Variants in ECEL1 observed in about 807,000 individuals in gnomAD.
The protein encoded by ECEL1 is endothelin-converting enzyme-like 1.
Under a neutral mutation model 101.8 loss-of-function variants are expected in ECEL1, and 87 were observed. The ratio of observed to expected loss-of-function variants is 0.85; its 90% CI spans 0.72 to 1.02. ECEL1 has a LOEUF of 1.02. ECEL1 is among the 50% of genes least tolerant of loss of function. The pLI, the probability that ECEL1 is intolerant of heterozygous loss-of-function variation, is 0.00. For synonymous variants in ECEL1, 487 were observed against 468.7 expected, an observed-to-expected ratio of 1.04 and a Z score of -0.50; for missense variants, 1,032 against 1,079.2, an observed-to-expected ratio of 0.96 and a Z score of 0.61.
rs965566918 is a variant in ECEL1, at chr2:232,479,992, C to G, written c.*161G>C. ...AAGTCCAGCCTCACCCTGCTCCAGG[C>G]CCCTCCTGAAGTGAGGGGCAGCAGG... On this transcript the variant is annotated 3_prime_UTR_variant, in exon 18 of 18. Transcript: ENST00000304546. 20 of 661,740 alleles carry G rather than the reference C, an allele frequency of 3.0e-5. No homozygotes were observed. The highest frequency in any genetic ancestry group is 4.7e-5 in the Non-Finnish European group (18 of 381,688). 41.0% of individuals were successfully genotyped at this position (661,740 alleles called of 1,614,324 possible). A position where few individuals can be genotyped will look rare whatever the true frequency, so the allele number is the denominator to read the frequency against.
In ECEL1 at chr2:232,479,964, C is replaced by G; in HGVS notation, c.*189G>C. ...CCCAGTATATTTCCCTCACAGCCCC[C>G]CAAAGTCCAGCCTCACCCTGCTCCA... On this transcript the variant is annotated 3_prime_UTR_variant, in exon 18 of 18. Coordinates refer to ENST00000304546, the MANE Select transcript of ECEL1 (RefSeq NM_004826.4). The G allele has an allele frequency of 1.6e-6, 1 of 616,028 alleles. No individual in the cohort carries two copies. Among genetic ancestry groups the G allele is most frequent in the Non-Finnish European group, 2.9e-6 (1 of 347,626 alleles). 38.2% of individuals were successfully genotyped at this position (616,028 alleles called of 1,614,324 possible).
At chr2:232,484,754 G>A in intron 5 of ECEL1, 47 bp downstream of exon 5, 1 of 1,611,050 alleles carries the variant, frequency 6.2e-7, no homozygotes, top group Non-Finnish European at 8.5e-7. Context: ...CCCAGCAGCA[G>A]CATTGCCCTC....
chr2:232,485,787 C>T lies in ECEL1; in HGVS notation c.786+81G>A, dbSNP rs999642247. 3 of 1,504,946 alleles carry T rather than the reference C, an allele frequency of 2.0e-6. No individual in the cohort carries two copies. The African/African-American group carries it at 4.1e-5, about 21-fold the overall frequency. 93.2% of individuals were successfully genotyped at this position (1,504,946 alleles called of 1,614,324 possible). A position where few individuals can be genotyped will look rare whatever the true frequency, so the allele number is the denominator to read the frequency against. On this transcript the variant is annotated intron_variant, in intron 2 of 17. Coordinates refer to ENST00000304546, the MANE Select transcript of ECEL1 (RefSeq NM_004826.4). ...CTCCTCTCCTCTCACGCACCCGCCT[C>T]CCGCGCGCAGGGACCCCTGGGCAAG...
chr2:232,486,516 G>A lies in ECEL1; in HGVS notation c.138C>T (p.Thr46=), dbSNP rs1307942073. 8 of 1,354,198 alleles carry A rather than the reference G, an allele frequency of 5.9e-6. No homozygotes were observed. Among genetic ancestry groups the A allele is most frequent in the Non-Finnish European group, 7.5e-6 (8 of 1,064,136 alleles). The allele number at this position is 1,354,198 out of a possible 1,614,324, so 83.9% of individuals were successfully genotyped here. ...GFPLGAARSA[T]GARSGLPRWN... Reference sequence around the variant, plus strand: ...AGCGCGGCAGCCCGGACCGGGCCCCGGTGGCGCTGCGCGCAGCGCCCAACG... The same window carrying A: ...AGCGCGGCAGCCCGGACCGGGCCCCAGTGGCGCTGCGCGCAGCGCCCAACG... The change falls in exon 2 of 18, where the codon ACC becomes ACT. Residue 46 remains threonine, a synonymous_variant. Coordinates refer to ENST00000304546, the MANE Select transcript of ECEL1 (RefSeq NM_004826.4).
chr2:232,483,044 C>T, intron 9 of ECEL1, 61 bp downstream of exon 9: 1 of 1,612,346 alleles, frequency 6.2e-7, no homozygotes, highest in South Asian at 1.1e-5. Flanking sequence ...GCCACCTGCC[C>T]TCCTGAGTGC....
rs146779776 is a variant in ECEL1 at position 232,482,904 on chromosome 2, G to C, written c.1632C>G (p.Arg544=). 1.1e-5 allele frequency: 17 copies of C among 1,614,200 alleles called. No individual in the cohort carries two copies. The highest frequency in any genetic ancestry group is 1.4e-5 in the Non-Finnish European group (16 of 1,180,048). The change falls in exon 10 of 18, where the codon CGC becomes CGG. Residue 544 remains arginine (R), a synonymous_variant. Coordinates refer to ENST00000304546, the MANE Select transcript of ECEL1 (RefSeq NM_004826.4). Reference sequence around the variant, plus strand: ...TCTTAACTGAGAGCTGGATGCTGAAGCGGATGCTGTTCAAGATGTTCTTGA... The same window carrying C: ...TCTTAACTGAGAGCTGGATGCTGAACCGGATGCTGTTCAAGATGTTCTTGA... The part of the protein sequence containing the change: ...TYFKNILNSI[R]FSIQLSVKKI...
At chr2:232,484,726 G>A (rs921474785) in intron 5 of ECEL1, 75 bp downstream of exon 5, 7 of 1,602,372 alleles carry the variant, frequency 4.4e-6, no homozygotes, top group Admixed American at 3.3e-5. Context: ...CATCTCTGGG[G>A]AGAGATGACC....
intron 15 of ECEL1, 90 bp from the exon 16 acceptor site, chr2:232,480,903 C>A: frequency 7.1e-7 from 1 of 1,413,720 alleles, no homozygotes. Context: ...CCTCCCTGCT[C>A]TCCCTGTGAA....
At chr2:232,485,402 T>G (rs956492564) in intron 2 of ECEL1, 135 bp from the exon 3 acceptor site, 13 of 1,014,582 alleles carry the variant, frequency 1.3e-5, no homozygotes, top group African/African-American at 3.2e-5. Flanking sequence ...AGACCCCAGC[T>G]CCTCTTTCCA....
chr2:232,481,771 A>G lies in ECEL1; in HGVS notation c.1864+11T>C, dbSNP rs1690585674. 1.2e-6 allele frequency: 2 copies of G among 1,613,556 alleles called. No homozygotes were observed. Among genetic ancestry groups the G allele is most frequent in the Non-Finnish European group, 1.7e-6 (2 of 1,179,846 alleles). ...CTCCGGGCCATCCCCTGGGGCCCCA[A>G]CAGGCCTCACCCCAGTCGTCGTAGC... On this transcript the variant is annotated intron_variant, in intron 13 of 17. Transcript: ENST00000304546.
At chr2:232,487,248 C>T (rs1223899395) in intron 1 of ECEL1, among the ~76,000 whole-genome samples, 1 of 152,204 alleles carries the variant, frequency 6.6e-6, no homozygotes, top group Non-Finnish European at 1.5e-5. Flanking sequence ...CGGAAGTCCG[C>T]GGGATCGACC....
chr2:232,483,285 G>C, intron 8 of ECEL1, 106 bp from the exon 9 acceptor site: 1 of 1,559,512 alleles, frequency 6.4e-7, no homozygotes, highest in South Asian at 1.1e-5. Flanking sequence ...CTGGGAGTGG[G>C]CTTCACAGTG....
In ECEL1 at chr2:232,482,595, G is replaced by C. The variant is rs778182880; in HGVS notation, c.1699C>G (p.Pro567Ala). Residue 567 changes from proline to alanine, a missense_variant, in exon 11 of 18, where the codon CCA (proline) becomes GCA (alanine). By Grantham distance (27) the Pro-to-Ala change is conservative. Transcript: ENST00000304546. ...EVDKSTWLLP[P>A]QALNAYYLPN... ...AGATAGTAGGCATTGAGCGCCTGTG[G>C]GGGGAGCAGCCACCTGTGGAGGGAT... is the stretch of plus-strand genomic sequence containing the variant. The C allele has an allele frequency of 6.8e-6, 11 of 1,612,624 alleles. No homozygotes were observed. Among genetic ancestry groups the C allele is most frequent in the Admixed American group, 1.7e-5 (1 of 59,980 alleles).
chr2:232,481,995 T>A, intron 12 of ECEL1, 146 bp from the exon 13 acceptor site: 2 of 988,854 alleles, frequency 2.0e-6, no homozygotes, highest in African/African-American at 1.6e-5. Context: ...GGGGCACATG[T>A]GCCTCAGCTT....
Position 232,481,503 on chromosome 2 carries a change from C to T in ECEL1, c.1989+3G>A. On this transcript the variant is annotated splice_donor_region_variant and intron_variant, in intron 14 of 17. Coordinates refer to ENST00000304546, the MANE Select transcript of ECEL1 (RefSeq NM_004826.4). ...GGGCACAAGGGGCAGGTGGGGGTCT[C>T]ACCCGCTGGTTGTAGACAGTGAAGT... The T allele has an allele frequency of 6.2e-7, 1 of 1,605,598 alleles. No individual in the cohort carries two copies. The highest frequency in any genetic ancestry group is 8.5e-7 in the Non-Finnish European group (1 of 1,176,416).
In ECEL1 at chr2:232,486,361, C is replaced by A. The variant is rs1257904516; in HGVS notation, c.293G>T (p.Gly98Val). 8.6e-6 allele frequency: 13 copies of A among 1,512,920 alleles called. No individual in the cohort carries two copies. Among genetic ancestry groups the A allele is most frequent in the Non-Finnish European group, 1.1e-5 (12 of 1,140,902 alleles). 93.7% of individuals were successfully genotyped at this position (1,512,920 alleles called of 1,614,324 possible). A position where few individuals can be genotyped will look rare whatever the true frequency, so the allele number is the denominator to read the frequency against. Residue 98 changes from glycine to valine, a missense_variant, in exon 2 of 18, where the codon GGC becomes GTC. Transcript: ENST00000304546. ...CGCGAAGGCCTTGCGCTCAGGGCAG[C>A]CCTCGGGACAGGCGCCGCCGCCGGC... is the stretch of plus-strand genomic sequence containing the variant. Reference protein sequence around the residue: ...VAAGGGACPEGCPERKAFARA... With the variant: ...VAAGGGACPEVCPERKAFARA...
In ECEL1 at chr2:232,485,877, G is replaced by T; in HGVS notation, c.777C>A (p.Tyr259Ter). The change falls in exon 2 of 18, where the codon TAC (tyrosine) becomes TAA (stop). Residue 259 changes from tyrosine to a stop codon, truncating the protein, a stop_gained. Coordinates refer to ENST00000304546, the MANE Select transcript of ECEL1 (RefSeq NM_004826.4). LOFTEE classifies it high-confidence loss of function. ...VSLDDRNSSR[Y>*]VIRIDQDGLT... ...CAGGGGGCGCACTCACGCGGATGAC[G>T]TAGCGCGAGGAGTTCCTGTCGTCCA... is the stretch of plus-strand genomic sequence containing the variant. 1 of 1,555,324 alleles carries T rather than the reference G, an allele frequency of 6.4e-7. No individual in the cohort carries two copies. The highest frequency in any genetic ancestry group is 8.7e-7 in the Non-Finnish European group (1 of 1,153,916).
rs1690566001 is a variant in ECEL1, at chr2:232,481,117, T to C, written c.2029A>G (p.Met677Val). 3 of 1,567,854 alleles carry C rather than the reference T, an allele frequency of 1.9e-6. No homozygotes were observed. The highest frequency in any genetic ancestry group is 2.6e-6 in the Non-Finnish European group (3 of 1,156,210). The change falls in exon 15 of 18, where the codon ATG (methionine) becomes GTG (valine). Residue 677 changes from methionine to valine, a missense_variant. By Grantham distance (21) the Met-to-Val change is conservative. Transcript: ENST00000304546. ...KHTLGENIAD[M>V]GGLKLAYHAY... ...TGGTAGGCCAGCTTGAGGCCGCCCA[T>C]ATCTGCGATGTTCTCCCCAAGCGTG...
chr2:232,487,077 C>T (rs1291542165), intron 1 of ECEL1, among the ~76,000 whole-genome samples: 1 of 152,214 alleles, frequency 6.6e-6, no homozygotes, highest in Non-Finnish European at 1.5e-5. Context: ...CCTTTCTCTT[C>T]CACGACCTGC....
Sources: allele counts gnomAD v4.1 joint callset (sites outside exome capture counted in the v4.1 genomes callset), GRCh38; gene constraint gnomAD v4.1.1; transcripts MANE v1.5; gene names NCBI Gene and HGNC (gene_info 2026-07-23, HGNC 2026-07-21).